Variants in OXCT1 observed in about 807,000 individuals in gnomAD.
The protein encoded by OXCT1 is succinyl-CoA:3-ketoacid coenzyme A transferase 1, mitochondrial.
OXCT1 carries 27 observed loss-of-function variants against 69.6 expected under a neutral mutation model. The observed-to-expected ratio is 0.39, with a 90% CI of 0.29 to 0.54. OXCT1 has a LOEUF of 0.54. Among genes scored for constraint, OXCT1 ranks in the 20% least tolerant of loss-of-function variants. OXCT1 has a pLI of 0.72. For synonymous variants in OXCT1, 202 were observed against 217.8 expected (o/e 0.93, Z 0.64); for missense variants, 437 against 650.2 (o/e 0.67, Z 3.57).
At chr5:41,818,769 T>G (rs1747379579) in intron 7 of OXCT1, among the ~76,000 whole-genome samples, 1 of 152,094 alleles carries the variant, frequency 6.6e-6, no homozygotes, top group Non-Finnish European at 1.5e-5. Flanking sequence ...GAAAAACGTG[T>G]TTATAAGACA....
At chr5:41,824,860 G>A (rs558366076) in intron 7 of OXCT1, among the ~76,000 whole-genome samples, 3 of 152,146 alleles carry the variant, frequency 2.0e-5, no homozygotes, top group South Asian at 2.1e-4. Flanking sequence ...ACCTGTATTC[G>A]CCTGAGTTTG....
intron 13 of OXCT1, among the ~76,000 whole-genome samples, chr5:41,788,349 A>G (rs1745751864): frequency 6.6e-6 from 1 of 152,196 alleles, no homozygotes; most frequent in Non-Finnish European, 1.5e-5. Flanking sequence ...ATCCTGATAG[A>G]TTTAAACCCA....
intron 13 of OXCT1, among the ~76,000 whole-genome samples, chr5:41,784,572 G>A (rs768626612): frequency 2.3e-4 from 35 of 152,186 alleles, no homozygotes; most frequent in Non-Finnish European, 4.4e-4. Flanking sequence ...AAAAGTACCT[G>A]TGGCAGAATG....
At chr5:41,809,082 G>GAT (rs5867567) in intron 7 of OXCT1, among the ~76,000 whole-genome samples, 58,966 of 151,736 alleles carry the variant, frequency 0.39, 14,210 homozygotes, top group African/African-American at 0.68. Flanking sequence ...AATATTTAAT[G>GAT]ATCTCATAAT....
rs114052303 is a variant in OXCT1 at position 41,763,125 on chromosome 5, G to C, written c.1249-925C>G. On this transcript the variant is annotated intron_variant, in intron 13 of 16. Transcript: ENST00000196371. ...TCTGATAATGTTAGAGCTATAAGGA[G>C]ATCAAGAAATGCACACAACATGGCT... 3.8e-3 allele frequency among the ~76,000 whole-genome samples: 576 copies of C among 152,226 alleles called. 2 individuals are homozygous for C. The highest frequency in any genetic ancestry group is 0.013 in the African/African-American group (555 of 41,532).
At chr5:41,781,042 T>A (rs1745373683) in intron 13 of OXCT1, among the ~76,000 whole-genome samples, 1 of 152,092 alleles carries the variant, frequency 6.6e-6, no homozygotes, top group Non-Finnish European at 1.5e-5. Flanking sequence ...TAGCTGGGAC[T>A]AAAGGCACCC....
chr5:41,734,602 C>A (rs543554545), intron 16 of OXCT1, among the ~76,000 whole-genome samples: 1 of 152,284 alleles, frequency 6.6e-6, no homozygotes, highest in East Asian at 1.9e-4. Context: ...TTTAATACGA[C>A]ATCATTTTGA....
chr5:41,821,405 G>T (rs188633577), intron 7 of OXCT1, among the ~76,000 whole-genome samples: 121 of 152,226 alleles, frequency 7.9e-4, no homozygotes, highest in Non-Finnish European at 1.5e-3. Context: ...TATTCTACAT[G>T]GAAACAAAAA....
At chr5:41,839,363 T>C (rs979316088) in intron 7 of OXCT1, among the ~76,000 whole-genome samples, 6 of 152,220 alleles carry the variant, frequency 3.9e-5, no homozygotes, top group Non-Finnish European at 7.3e-5. Context: ...CTATTGATTA[T>C]TTTAAGCTAT....
In OXCT1 at chr5:41,861,343, T is replaced by C; in HGVS notation, c.249A>G (p.Lys83=). ...LIDALLKTGV[K]GLTAVSNNAG... is the part of the protein sequence containing the mutation. ...CATTGTTGCTGACTGCAGTTAGTCC[T>C]TTTACTCCAGTTTTCAGTAAAGCAT... is the stretch of plus-strand genomic sequence containing the variant. Residue 83 remains lysine (K), a synonymous_variant, in exon 3 of 17, where the codon AAA becomes AAG. Transcript: ENST00000196371. 1 of 1,609,682 alleles carries C rather than the reference T, an allele frequency of 6.2e-7. No homozygotes were observed. The highest frequency in any genetic ancestry group is 8.5e-7 in the Non-Finnish European group (1 of 1,176,338).
Position 41,807,373 on chromosome 5 carries a change from T to C in OXCT1, c.798A>G (p.Val266=). 2 of 1,602,890 alleles carry C rather than the reference T, an allele frequency of 1.2e-6. No homozygotes were observed. Among genetic ancestry groups the C allele is most frequent in the Non-Finnish European group, 1.7e-6 (2 of 1,170,308 alleles). Residue 266 remains valine (V), a synonymous_variant, in exon 8 of 17, where the codon GTA becomes GTG. Transcript: ENST00000196371. ...ATTTTTCTCCCTTTATAAGGCGATG[T>C]ACATAAATCTGAGGAATATGGATGT... is the stretch of plus-strand genomic sequence containing the variant. ...PEDIHIPQIY[V]HRLIKGEKYE... is the part of the protein sequence containing the mutation.
At chr5:41,747,373 G>T (rs1373343963) in intron 15 of OXCT1, among the ~76,000 whole-genome samples, 1 of 151,954 alleles carries the variant, frequency 6.6e-6, no homozygotes, top group East Asian at 1.9e-4. Flanking sequence ...CTGCTCTTTC[G>T]AGGCTCACCA....
At chr5:41,780,804 C>G (rs1395719543) in intron 13 of OXCT1, among the ~76,000 whole-genome samples, 2 of 152,114 alleles carry the variant, frequency 1.3e-5, no homozygotes, top group African/African-American at 4.8e-5. Flanking sequence ...TACCATGTTC[C>G]TGGACAGGAT....
At position 41,744,447 on chromosome 5, in the gene OXCT1, A is replaced by G. The variant is rs533882624; in HGVS notation, c.1420-4956T>C. On this transcript the variant is annotated intron_variant, in intron 15 of 16. Coordinates refer to ENST00000196371, the MANE Select transcript of OXCT1 (RefSeq NM_000436.4). ...TGACTTCCTCTTTTCCTAATTGAAT[A>G]CCCTTTGTTTCCTTCTCCTGCCTGA... 6.6e-5 allele frequency among the ~76,000 whole-genome samples: 10 copies of G among 152,202 alleles called. No individual in the cohort carries two copies. The South Asian group carries it at 2.1e-3, about 32-fold the overall frequency.
intron 7 of OXCT1, among the ~76,000 whole-genome samples, chr5:41,813,291 G>A (rs908782689): frequency 2.0e-5 from 3 of 152,032 alleles, no homozygotes; most frequent in African/African-American, 7.2e-5. Context: ...TGTACAGATA[G>A]GTAGACAAAT....
chr5:41,736,086 C>T (rs1742871255), intron 16 of OXCT1, among the ~76,000 whole-genome samples: 1 of 152,196 alleles, frequency 6.6e-6, no homozygotes, highest in Non-Finnish European at 1.5e-5. Context: ...TCTACCTGTT[C>T]AGCTCCTTTC....
chr5:41,853,663 A>G, intron 3 of OXCT1, 109 bp from the exon 4 acceptor site: 1 of 1,223,786 alleles, frequency 8.2e-7, no homozygotes, highest in Non-Finnish European at 1.2e-6. Context: ...ATCCTTTCTT[A>G]TAGGCATTTG....
intron 7 of OXCT1, among the ~76,000 whole-genome samples, chr5:41,836,885 CA>C (rs894335407): frequency 2.9e-4 from 44 of 152,016 alleles, no homozygotes; most frequent in African/African-American, 1.1e-3. Context: ...AAAACTTTGC[CA>C]AAAAGGACTA....
At chr5:41,825,722 C>T (rs1364532644) in intron 7 of OXCT1, among the ~76,000 whole-genome samples, 1 of 152,144 alleles carries the variant, frequency 6.6e-6, no homozygotes, top group Non-Finnish European at 1.5e-5. Flanking sequence ...TCTCTCATCA[C>T]ATGATCTCTT....
Sources: allele counts gnomAD v4.1 joint callset (sites outside exome capture counted in the v4.1 genomes callset), GRCh38; gene constraint gnomAD v4.1.1; transcripts MANE v1.5; gene names NCBI Gene and HGNC (gene_info 2026-07-23, HGNC 2026-07-21).